The following FKTN variants were observed in gnomAD, a reference collection of about 807,000 sequenced individuals.
FKTN encodes the protein fukutin.
In FKTN, 47 loss-of-function variants were observed where a neutral mutation model predicts 58.6. The observed-to-expected ratio is 0.80, with a 90% confidence interval of 0.63 to 1.02. The LOEUF (loss-of-function observed/expected upper bound fraction) is 1.02. Among genes scored for constraint, FKTN ranks in the 50% least tolerant of loss-of-function variants. The pLI, the probability that FKTN is intolerant of heterozygous loss-of-function variation, is 0.00. For missense variants in FKTN, 516 were observed against 537.3 expected, an observed-to-expected ratio of 0.96 and a Z score of 0.39; for synonymous variants, 178 against 191.9, an observed-to-expected ratio of 0.93 and a Z score of 0.60.
At chr9:105,586,023 G>A (rs1292969433) in intron 3 of FKTN, among the ~76,000 whole-genome samples, 2 of 152,242 alleles carry the variant, frequency 1.3e-5, no homozygotes, top group East Asian at 1.9e-4. Context: ...TGGTAAGAAG[G>A]ACTGCAAAGC....
intron 2 of FKTN, chr9:105,574,080 T>C (rs997293196): frequency 6.6e-6 from 1 of 152,204 alleles, no homozygotes; most frequent in African/African-American, 2.4e-5. Context: ...CTATGAGATT[T>C]GTAGTTATAG....
At chr9:105,596,121 ATTG>A (rs1450768833) in intron 3 of FKTN, among the ~76,000 whole-genome samples, 14 of 152,158 alleles carry the variant, frequency 9.2e-5, no homozygotes, top group African/African-American at 3.4e-4. Flanking sequence ...ACCTTGCAGG[ATTG>A]TTGTGAGGGA....
In FKTN at chr9:105,638,647, A is replaced by C. The variant is rs1009277513; in HGVS notation, c.*3383A>C. ...AGTAGTGGTCTCATTCACAAAAAAG[A>C]ATAATAGATGTAACTGGAGTCACTT... On this transcript the variant is annotated 3_prime_UTR_variant, in exon 11 of 11. Coordinates refer to ENST00000357998, the MANE Select transcript of FKTN (RefSeq NM_001079802.2). 3.5e-5 allele frequency: 34 copies of C among 985,232 alleles called. No homozygotes were observed. In the South Asian group the frequency reaches 4.7e-4, roughly 14 times the overall value. 61.0% of individuals were successfully genotyped at this position (985,232 alleles called of 1,614,324 possible).
rs531069257 is a variant in FKTN, at chr9:105,565,892, T to A, written c.-181+7727T>A. 3.4e-4 allele frequency among the ~76,000 whole-genome samples: 51 copies of A among 152,180 alleles called. No individual in the cohort carries two copies. The East Asian group carries it at 3.5e-3, about 10-fold the overall frequency. ...CACTTACTCCAAAGTTGACCACATA[T>A]ATGGAAGTAAAGCACTCCTCAGCAA... On this transcript the variant is annotated intron_variant, in intron 1 of 10. Transcript: ENST00000357998.
rs1432591751 is a variant in FKTN at position 105,638,977 on chromosome 9, T to G, written c.*3713T>G. ...ACACATTTGGAATGAGCTTCCACAC[T>G]TCAGTCTAAAATCTCACCCAAACTT... On this transcript the variant is annotated 3_prime_UTR_variant, in exon 11 of 11. Coordinates refer to ENST00000357998, the MANE Select transcript of FKTN (RefSeq NM_001079802.2). 1.0e-6 allele frequency: 1 copy of G among 985,136 alleles called. No individual in the cohort carries two copies. The highest frequency in any genetic ancestry group is 1.2e-6 in the Non-Finnish European group (1 of 829,810). 61.0% of individuals were successfully genotyped at this position (985,136 alleles called of 1,614,324 possible).
At chr9:105,603,201 G>A (rs1317346616) in intron 5 of FKTN, among the ~76,000 whole-genome samples, 1 of 151,958 alleles carries the variant, frequency 6.6e-6, no homozygotes, top group Non-Finnish European at 1.5e-5. Flanking sequence ...AGTTCTGGCC[G>A]GCCTTTTAAA....
intron 7 of FKTN, among the ~76,000 whole-genome samples, chr9:105,608,697 C>T (rs1829351705): frequency 6.6e-6 from 1 of 152,206 alleles, no homozygotes; most frequent in South Asian, 2.1e-4. Flanking sequence ...CTGTCAAGTG[C>T]CCAAGACCCA....
intron 7 of FKTN, among the ~76,000 whole-genome samples, chr9:105,610,868 T>C (rs924119510): frequency 3.9e-5 from 6 of 152,052 alleles, no homozygotes; most frequent in African/African-American, 1.5e-4. Context: ...AGACTTTATT[T>C]ACTTTTAATT....
intron 3 of FKTN, among the ~76,000 whole-genome samples, chr9:105,590,440 A>G (rs879483561): frequency 1.3e-5 from 2 of 152,204 alleles, no homozygotes; most frequent in Middle Eastern, 3.2e-3. Flanking sequence ...GTGAAAATGG[A>G]CTAATACACA....
At chr9:105,588,637 T>C (rs1195008034) in intron 3 of FKTN, among the ~76,000 whole-genome samples, 2 of 152,252 alleles carry the variant, frequency 1.3e-5, no homozygotes, top group Non-Finnish European at 2.9e-5. Context: ...ACTTTTCTGT[T>C]CTCTAGTATC....
At chr9:105,604,111 C>T (rs2132787561) in intron 5 of FKTN, 104 bp from the exon 6 acceptor site, 1 of 1,217,878 alleles carries the variant, frequency 8.2e-7, no homozygotes, top group East Asian at 2.3e-5. Context: ...AAATATGGCT[C>T]AAGTTCAATA....
At position 105,638,087 on chromosome 9, in the gene FKTN, C is replaced by G. The variant is rs541981189; in HGVS notation, c.*2823C>G. The stretch of plus-strand genomic sequence containing the variant: ...CATAATGTAATATTCTTTTTAAACC[C>G]TCTTATTTTATAACTAAATAAATAA... On this transcript the variant is annotated 3_prime_UTR_variant, in exon 11 of 11. Transcript: ENST00000357998. 1.0e-6 allele frequency: 1 copy of G among 971,872 alleles called. No homozygotes were observed. Among genetic ancestry groups the G allele is most frequent in the African/African-American group, 1.8e-5 (1 of 57,090 alleles). The allele number at this position is 971,872 out of a possible 1,614,324, so 60.2% of individuals were successfully genotyped here. A position where few individuals can be genotyped will look rare whatever the true frequency, so the allele number is the denominator to read the frequency against.
At position 105,635,865 on chromosome 9, in the gene FKTN, C is replaced by G. The variant is rs1833995934; in HGVS notation, c.*601C>G. 1 of 992,434 alleles carries G rather than the reference C, an allele frequency of 1.0e-6. No homozygotes were observed. Among genetic ancestry groups the G allele is most frequent in the Non-Finnish European group, 1.2e-6 (1 of 833,480 alleles). 61.5% of individuals were successfully genotyped at this position (992,434 alleles called of 1,614,324 possible). A position where few individuals can be genotyped will look rare whatever the true frequency, so the allele number is the denominator to read the frequency against. On this transcript the variant is annotated 3_prime_UTR_variant, in exon 11 of 11. Transcript: ENST00000357998. ...ATTATTCTTTTAGGGAAGGTGAGAG[C>G]TTATTTGTATCAGAGCTTATTACTT...
At position 105,617,987 on chromosome 9, in the gene FKTN, T is replaced by G. The variant is rs1352489957; in HGVS notation, c.939T>G (p.Pro313=). The change falls in exon 9 of 11, where the codon CCT becomes CCG. Residue 313 remains proline (P), a synonymous_variant. Coordinates refer to ENST00000357998, the MANE Select transcript of FKTN (RefSeq NM_001079802.2). Reference sequence around the variant, plus strand: ...GGTATCGACAATGCAACATTATTCCTTATAGCAAAGATGTTGACCTAGGAA... The same window carrying G: ...GGTATCGACAATGCAACATTATTCCGTATAGCAAAGATGTTGACCTAGGAA... ...LGWYRQCNII[P]YSKDVDLGIF... is the part of the protein sequence containing the mutation. 1.3e-6 allele frequency: 2 copies of G among 1,593,532 alleles called. No homozygotes were observed. The highest frequency in any genetic ancestry group is 1.7e-6 in the Non-Finnish European group (2 of 1,161,484).
At chr9:105,566,307 A>C (rs4742653) in intron 1 of FKTN, among the ~76,000 whole-genome samples, 41,057 of 151,962 alleles carry the variant, frequency 0.27, 5,765 homozygotes, top group Non-Finnish European at 0.31. Context: ...ATCAGAGCGG[A>C]ACTGCAGGAG....
rs541519227 is a variant in FKTN, at chr9:105,565,429, G to T, written c.-181+7264G>T. Among the ~76,000 whole-genome samples, 368 of 152,176 alleles carry T rather than the reference G, an allele frequency of 2.4e-3. 3 individuals carry two copies. The highest frequency in any genetic ancestry group is 8.6e-3 in the African/African-American group (355 of 41,474). ...ATCTCACATGCAAAGACACACATAG[G>T]CTCAAAATAAAGGGATGGAGGAAGA... On this transcript the variant is annotated intron_variant, in intron 1 of 10. Coordinates refer to ENST00000357998, the MANE Select transcript of FKTN (RefSeq NM_001079802.2).
chr9:105,618,384 G>A (rs1431114087), intron 9 of FKTN, among the ~76,000 whole-genome samples: 8 of 151,956 alleles, frequency 5.3e-5, no homozygotes, highest in Non-Finnish European at 8.8e-5. Context: ...ATAGGTGAAT[G>A]TATTGCTATT....
At chr9:105,591,525 A>T (rs1480292876) in intron 3 of FKTN, among the ~76,000 whole-genome samples, 1 of 152,186 alleles carries the variant, frequency 6.6e-6, no homozygotes, top group South Asian at 2.1e-4. Flanking sequence ...TCCAGGGCAC[A>T]CGGGGGTGGG....
At chr9:105,602,511 A>G (rs371566313) in intron 5 of FKTN, among the ~76,000 whole-genome samples, 14 of 152,210 alleles carry the variant, frequency 9.2e-5, no homozygotes, top group African/African-American at 3.1e-4. Flanking sequence ...CATGGGTTCA[A>G]GTTTATTCTT....
Sources: allele counts gnomAD v4.1 joint callset (sites outside exome capture counted in the v4.1 genomes callset), GRCh38; gene constraint gnomAD v4.1.1; transcripts MANE v1.5; gene names NCBI Gene and HGNC (gene_info 2026-07-23, HGNC 2026-07-21).